NRG1: variants seen among roughly 807,000 people sequenced by gnomAD.
NRG1 encodes the protein pro-neuregulin-1, membrane-bound isoform.
Under a neutral mutation model 63.8 loss-of-function variants are expected in NRG1, and 18 were observed. The observed-to-expected ratio is 0.28, with a 90% CI of 0.19 to 0.42. The LOEUF (loss-of-function observed/expected upper bound fraction) is 0.42. Among genes scored for constraint, NRG1 ranks in the 10% least tolerant of loss-of-function variants. NRG1 has a pLI of 1.00. For synonymous variants in NRG1, 302 were observed against 301.3 expected (o/e 1.00, Z -0.02); for missense variants, 762 against 814.7 (o/e 0.94, Z 0.79).
At chr8:32,337,364 A>G (rs1328572107) in intron 1 of NRG1, among the ~76,000 whole-genome samples, 1 of 152,070 alleles carries the variant, frequency 6.6e-6, no homozygotes, top group Non-Finnish European at 1.5e-5. Context: ...GGTAGCAGAG[A>G]GGAACACTGT....
chr8:32,066,911 G>C (rs1824925065), intron 1 of NRG1, among the ~76,000 whole-genome samples: 1 of 151,920 alleles, frequency 6.6e-6, no homozygotes, highest in Non-Finnish European at 1.5e-5. Flanking sequence ...CACATCCCTT[G>C]TAAGTTGGAT....
intron 1 of NRG1, among the ~76,000 whole-genome samples, chr8:31,712,446 T>G (rs745804800): frequency 1.8e-4 from 27 of 151,998 alleles, no homozygotes; most frequent in Non-Finnish European, 3.1e-4. Flanking sequence ...TTTTTTGTAT[T>G]TTTAGTAGAG....
intron 1 of NRG1, chr8:32,442,455 A>G (rs977188418): frequency 4.6e-5 from 7 of 152,170 alleles, no homozygotes; most frequent in Non-Finnish European, 8.8e-5. Context: ...GTTGTTGCTT[A>G]TTTCCACTAC....
At chr8:32,002,094 G>C (rs1813026308) in intron 1 of NRG1, among the ~76,000 whole-genome samples, 1 of 152,032 alleles carries the variant, frequency 6.6e-6, no homozygotes, top group African/African-American at 2.4e-5. Context: ...CACGATCTCA[G>C]CTCACTACAA....
At chr8:32,316,751 G>A (rs1857441902) in intron 1 of NRG1, among the ~76,000 whole-genome samples, 1 of 151,986 alleles carries the variant, frequency 6.6e-6, no homozygotes, top group African/African-American at 2.4e-5. Flanking sequence ...GCAATTAACA[G>A]ATCTCCTCTT....
intron 1 of NRG1, among the ~76,000 whole-genome samples, chr8:31,934,577 A>G (rs1835146094): frequency 6.6e-6 from 1 of 151,506 alleles, no homozygotes. Context: ...TTTCTACTAT[A>G]CAAATTTTAC....
chr8:32,230,054 A>G (rs927534764), intron 1 of NRG1, among the ~76,000 whole-genome samples: 2 of 152,100 alleles, frequency 1.3e-5, no homozygotes, highest in Non-Finnish European at 1.5e-5. Flanking sequence ...AACAGCAATC[A>G]TATTTAGGAG....
At chr8:32,379,431 C>G (rs952657639) in intron 1 of NRG1, among the ~76,000 whole-genome samples, 1 of 152,146 alleles carries the variant, frequency 6.6e-6, no homozygotes, top group Admixed American at 6.5e-5. Context: ...AAACTCTCCT[C>G]TGGTCATAGG....
intron 5 of NRG1, chr8:32,721,925 C>G: frequency 6.6e-7 from 1 of 1,511,004 alleles, no homozygotes; most frequent in Middle Eastern, 1.7e-4. Context: ...CTCATTATAC[C>G]TAATTGCAAA....
At chr8:32,375,092 C>T (rs1368965277) in intron 1 of NRG1, among the ~76,000 whole-genome samples, 1 of 152,194 alleles carries the variant, frequency 6.6e-6, no homozygotes, top group Non-Finnish European at 1.5e-5. Context: ...AAGTGATCCT[C>T]CCACCTCAGC....
chr8:31,901,887 A>G (rs1215522577), intron 1 of NRG1, among the ~76,000 whole-genome samples: 1 of 152,188 alleles, frequency 6.6e-6, no homozygotes, highest in East Asian at 1.9e-4. Flanking sequence ...ACATGTATCT[A>G]TCACTGACAA....
chr8:32,002,483 A>G (rs1253015419), intron 1 of NRG1, among the ~76,000 whole-genome samples: 3 of 151,864 alleles, frequency 2.0e-5, no homozygotes, highest in Admixed American at 2.0e-4. Flanking sequence ...AGCTTTGGCC[A>G]CTGACTTCTG....
intron 1 of NRG1, among the ~76,000 whole-genome samples, chr8:32,387,696 A>G (rs1307690234): frequency 6.6e-6 from 1 of 150,966 alleles, no homozygotes; most frequent in African/African-American, 2.4e-5. Flanking sequence ...TAAAACAATT[A>G]AGCTTTTAGT....
chr8:32,046,219 A>G (rs1820971700), intron 1 of NRG1, among the ~76,000 whole-genome samples: 2 of 152,078 alleles, frequency 1.3e-5, no homozygotes, highest in South Asian at 4.1e-4. Context: ...AACTTAGGGA[A>G]ATGCAACTAA....
chr8:32,403,518 T>C lies in NRG1; in HGVS notation c.38-192310T>C, dbSNP rs576992817. On this transcript the variant is annotated intron_variant, in intron 1 of 10. Coordinates refer to the NRG1 transcript ENST00000519301. ...CTTATAGATTTTCACTTTTATAAGATAAAAGAGCTTATTCAAATCCAAGTC... is the reference window on the plus strand; with the variant it reads ...CTTATAGATTTTCACTTTTATAAGACAAAAGAGCTTATTCAAATCCAAGTC... 3.3e-5 allele frequency among the ~76,000 whole-genome samples: 5 copies of C among 152,270 alleles called. No homozygotes were observed. In the South Asian group the frequency reaches 1.0e-3, roughly 32 times the overall value.
At chr8:32,233,553 ATATATATATATTTTT>A (rs1456683961) in intron 1 of NRG1, among the ~76,000 whole-genome samples, 4 of 76,140 alleles carry the variant, frequency 5.3e-5, no homozygotes, top group Admixed American at 1.8e-4. Context: ...ATATATATAT[ATATATATATATTTTT>A]TTTTTTTTTT....
intron 1 of NRG1, among the ~76,000 whole-genome samples, chr8:31,977,372 C>T (rs1030723159): frequency 3.3e-5 from 5 of 152,014 alleles, no homozygotes; most frequent in Non-Finnish European, 5.9e-5. Flanking sequence ...TTAGTGACTC[C>T]TCTCATGTTT....
At chr8:31,687,758 A>G (rs1809054684) in intron 1 of NRG1, among the ~76,000 whole-genome samples, 1 of 152,232 alleles carries the variant, frequency 6.6e-6, no homozygotes, top group Non-Finnish European at 1.5e-5. Context: ...ACAACATGGA[A>G]GCTTTAGAAC....
chr8:32,429,202 G>A (rs2129486626), intron 1 of NRG1, among the ~76,000 whole-genome samples: 1 of 152,216 alleles, frequency 6.6e-6, no homozygotes, highest in African/African-American at 2.4e-5. Context: ...TATACAAAGT[G>A]TTTATCCAAA....
Sources: gnomAD v4.1 joint callset for allele counts (sites outside exome capture counted in the v4.1 genomes callset) on GRCh38, gnomAD v4.1.1 for gene constraint, MANE v1.5 for transcripts, NCBI Gene and HGNC (gene_info 2026-07-23, HGNC 2026-07-21) for gene names.